The following EPHA6 variants were observed in gnomAD, a reference collection of about 807,000 sequenced individuals.
EPHA6 encodes ephrin type-A receptor 6.
EPHA6 carries 50 observed loss-of-function variants against 112.0 expected under a neutral mutation model. The ratio of observed to expected loss-of-function variants is 0.45; its 90% confidence interval spans 0.36 to 0.56. EPHA6 has a LOEUF of 0.56. Ranked by LOEUF, EPHA6 falls within the 20% of genes least tolerant of loss-of-function variation. EPHA6 has a pLI of 0.00. For missense variants in EPHA6, 1,280 were observed against 1,417.4 expected (o/e 0.90, Z 1.56); for synonymous variants, 529 against 490.7 (o/e 1.08, Z -1.03).
chr3:97,326,542 C>T (rs116414290), intron 5 of EPHA6, among the ~76,000 whole-genome samples: 3,656 of 152,100 alleles, frequency 0.024, 69 homozygotes, highest in Non-Finnish European at 0.038. Context: ...ATAGTCCATT[C>T]TTAAGGAAAA....
intron 11 of EPHA6, among the ~76,000 whole-genome samples, chr3:97,555,077 C>G (rs1237198996): frequency 1.3e-5 from 2 of 151,750 alleles, no homozygotes; most frequent in Non-Finnish European, 2.9e-5. Flanking sequence ...GAATCCCTCC[C>G]CCTTCCCCCC....
At chr3:97,179,967 C>T (rs563352653) in intron 3 of EPHA6, among the ~76,000 whole-genome samples, 1 of 152,050 alleles carries the variant, frequency 6.6e-6, no homozygotes, top group Non-Finnish European at 1.5e-5. Context: ...GGTCTGTTTC[C>T]TTGCCTTAAG....
chr3:97,565,708 A>T (rs2107189251), intron 11 of EPHA6, among the ~76,000 whole-genome samples: 1 of 152,242 alleles, frequency 6.6e-6, no homozygotes, highest in Non-Finnish European at 1.5e-5. Flanking sequence ...AATATCTGAG[A>T]CAGGTAATTG....
intron 2 of EPHA6, among the ~76,000 whole-genome samples, chr3:96,983,971 T>G (rs941726327): frequency 4.6e-5 from 7 of 152,140 alleles, no homozygotes; most frequent in Non-Finnish European, 1.0e-4. Flanking sequence ...GTTTTCAAGG[T>G]TTTTAGCTTC....
chr3:97,555,649 G>C (rs1169424981), intron 11 of EPHA6, among the ~76,000 whole-genome samples: 2 of 152,094 alleles, frequency 1.3e-5, no homozygotes, highest in African/African-American at 4.8e-5. Context: ...TCTCATTGTG[G>C]TTTTGATTTG....
At chr3:97,742,874 T>C (rs1425509048) in intron 16 of EPHA6, among the ~76,000 whole-genome samples, 1 of 152,156 alleles carries the variant, frequency 6.6e-6, no homozygotes, top group African/African-American at 2.4e-5. Context: ...ACATAGTGTA[T>C]GCATGACAAA....
chr3:97,648,532 T>A (rs2094084718), intron 14 of EPHA6: 2 of 1,265,788 alleles, frequency 1.6e-6, no homozygotes, highest in Middle Eastern at 2.8e-4. Flanking sequence ...GCCTTGAACA[T>A]GTCCAACTTT....
chr3:96,985,568 T>C (rs1232618147), intron 2 of EPHA6, among the ~76,000 whole-genome samples: 1 of 152,198 alleles, frequency 6.6e-6, no homozygotes, highest in East Asian at 1.9e-4. Context: ...GGAAATATCA[T>C]GTATATTCCC....
rs1412578692 is a variant in EPHA6, at chr3:97,754,851, C to G, written c.*6150C>G. ...CCAGAGTAGCTGGAACTACAGGCGT[C>G]CGTCACCACGCCCGGCTAATTTTTT... On this transcript the variant is annotated 3_prime_UTR_variant, in exon 18 of 18. Transcript: ENST00000389672. Among the ~76,000 whole-genome samples, 4 of 152,172 alleles carry G rather than the reference C, an allele frequency of 2.6e-5. No homozygotes were observed. Among genetic ancestry groups the G allele is most frequent in the Non-Finnish European group, 5.9e-5 (4 of 68,024 alleles).
rs1311646491 is a variant in EPHA6 at position 97,599,645 on chromosome 3, T to A, written c.2512+6908T>A. ...ATCTATATCTCTGTTTTGGTACCAG[T>A]ACCATGCTGTTTTGGTTACTGTAGC... On this transcript the variant is annotated intron_variant, in intron 12 of 17. Transcript: ENST00000389672. 3.3e-5 allele frequency among the ~76,000 whole-genome samples: 5 copies of A among 151,850 alleles called. No homozygotes were observed. The East Asian group carries it at 7.7e-4, about 23-fold the overall frequency.
At chr3:97,052,239 T>C (rs1003371717) in intron 3 of EPHA6, among the ~76,000 whole-genome samples, 4 of 152,090 alleles carry the variant, frequency 2.6e-5, no homozygotes, top group African/African-American at 7.2e-5. Flanking sequence ...CCTCATATGA[T>C]TGAACTCTGT....
rs777518741 is a variant in EPHA6, at chr3:97,244,151, C to G, written c.1470C>G (p.Ile490Met). The G allele has an allele frequency of 1.9e-6, 3 of 1,612,976 alleles. No homozygotes were observed. Among genetic ancestry groups the G allele is most frequent in the Middle Eastern group, 3.3e-4 (2 of 6,080 alleles). Residue 490 changes from isoleucine (I) to methionine (M), a missense_variant, in exon 5 of 18, where the codon ATC becomes ATG. By Grantham distance (10) the Ile-to-Met change is conservative. This residue lies in a region of EPHA6 where 878 missense variants were observed against 999.7 expected (regional missense o/e 0.88). Coordinates refer to ENST00000389672, the MANE Select transcript of EPHA6 (RefSeq NM_001080448.3). ...TCATCCCAAGACATACAGGCCTGAT[C>G]AACAATTCCGTGATAGTACTTGACT... ...LRFIPRHTGL[I>M]NNSVIVLDFV... is the part of the protein sequence containing the mutation.
chr3:96,969,404 A>G (rs142653893), intron 2 of EPHA6, among the ~76,000 whole-genome samples: 12 of 152,080 alleles, frequency 7.9e-5, no homozygotes, highest in Non-Finnish European at 1.5e-4. Flanking sequence ...TTTCTCATGT[A>G]GGATTCTGAT....
intron 3 of EPHA6, among the ~76,000 whole-genome samples, chr3:97,057,919 A>G (rs1320757773): frequency 6.6e-6 from 1 of 152,134 alleles, no homozygotes; most frequent in African/African-American, 2.4e-5. Flanking sequence ...AAGATGAATC[A>G]TCTGCTTTTA....
chr3:97,263,025 A>G (rs981072883), intron 5 of EPHA6, among the ~76,000 whole-genome samples: 2 of 152,242 alleles, frequency 1.3e-5, no homozygotes, highest in Non-Finnish European at 2.9e-5. Flanking sequence ...ACAAAAATCT[A>G]TAGTAAAACT....
intron 5 of EPHA6, among the ~76,000 whole-genome samples, chr3:97,280,793 T>G (rs1187830432): frequency 6.6e-6 from 1 of 152,216 alleles, no homozygotes; most frequent in Non-Finnish European, 1.5e-5. Context: ...CTTCTGGGAT[T>G]AACTCTTAAA....
intron 14 of EPHA6, among the ~76,000 whole-genome samples, chr3:97,642,124 A>C (rs374707469): frequency 0.012 from 1,553 of 131,600 alleles, 39 homozygotes; most frequent in African/African-American, 0.037. Context: ...ACAAGTGGGT[A>C]CCTGACCCCT....
intron 5 of EPHA6, among the ~76,000 whole-genome samples, chr3:97,381,840 A>G (rs902532725): frequency 2.0e-5 from 3 of 152,102 alleles, no homozygotes; most frequent in African/African-American, 4.8e-5. Flanking sequence ...TGAGCAGCTT[A>G]CAATCCTTTC....
chr3:96,965,919 T>C (rs1204815822), intron 2 of EPHA6, among the ~76,000 whole-genome samples: 3 of 152,106 alleles, frequency 2.0e-5, no homozygotes, highest in Admixed American at 6.6e-5. Flanking sequence ...ATTTTGTATG[T>C]ACAATTTATT....
Sources: gnomAD v4.1 joint callset for allele counts (sites outside exome capture counted in the v4.1 genomes callset) on GRCh38, gnomAD v4.1.1 for gene constraint, gnomAD v4.1.1 regional missense constraint, MANE v1.5 for transcripts, NCBI Gene and HGNC (gene_info 2026-07-23, HGNC 2026-07-21) for gene names.